MLPH: variants seen among roughly 807,000 people sequenced by gnomAD.
MLPH encodes melanophilin, also known as exophilin-3.
In MLPH, 51 loss-of-function variants were observed where a neutral mutation model predicts 72.1. The observed-to-expected ratio is 0.71, with a 90% CI of 0.56 to 0.89. The LOEUF is 0.89. Among genes scored for constraint, MLPH ranks in the 40% least tolerant of loss-of-function variants. The pLI is 0.00. For synonymous variants in MLPH, 301 were observed against 310.1 expected (o/e 0.97, Z 0.31); for missense variants, 743 against 759.9 (o/e 0.98, Z 0.26).
rs202230822 is a variant in MLPH, at chr2:237,519,902, C to A, written c.556-8C>A. 6.8e-6 allele frequency: 11 copies of A among 1,613,946 alleles called. No homozygotes were observed. The East Asian group carries it at 2.0e-4, about 29-fold the overall frequency. On this transcript the variant is annotated splice_region_variant and splice_polypyrimidine_tract_variant and intron_variant, in intron 5 of 15. Coordinates refer to ENST00000264605, the MANE Select transcript of MLPH (RefSeq NM_024101.7). ...ACTTGAGTCTTGCCCTGTCTTGTGC[C>A]TGCTAAGAAAAAGCGCCTCCTCTCC...
chr2:237,551,154 T>C (rs2081031618), intron 14 of MLPH, among the ~76,000 whole-genome samples: 1 of 150,908 alleles, frequency 6.6e-6, no homozygotes, highest in South Asian at 2.1e-4. Context: ...GGGCCTCCAA[T>C]CCCGGGGTCT....
chr2:237,500,469 A>T (rs13413170), intron 2 of MLPH, among the ~76,000 whole-genome samples: 38,865 of 152,160 alleles, frequency 0.26, 8,856 homozygotes, highest in African/African-American at 0.6. Flanking sequence ...TAATTAATTT[A>T]AACGTAAATA....
chr2:237,518,145 T>C (rs1260347575), intron 4 of MLPH: 1 of 345,658 alleles, frequency 2.9e-6, no homozygotes, highest in Non-Finnish European at 5.6e-6. Context: ...GATGGATGGG[T>C]GGGTAGGTGA....
chr2:237,499,256 T>TAGAC (rs1043818011), intron 2 of MLPH, among the ~76,000 whole-genome samples: 1 of 152,112 alleles, frequency 6.6e-6, no homozygotes, highest in Non-Finnish European at 1.5e-5. Context: ...ATCATATAAA[T>TAGAC]AGACCTAAGG....
At chr2:237,503,178 A>G (rs2079688075) in intron 2 of MLPH, among the ~76,000 whole-genome samples, 2 of 152,212 alleles carry the variant, frequency 1.3e-5, no homozygotes, top group Admixed American at 1.3e-4. Flanking sequence ...GGAATTTGAA[A>G]TCACCCTTAG....
intron 1 of MLPH, among the ~76,000 whole-genome samples, chr2:237,489,549 G>A (rs891421126): frequency 2.6e-5 from 4 of 152,266 alleles, no homozygotes; most frequent in Middle Eastern, 3.4e-3. Flanking sequence ...GGCAGCATTC[G>A]GGAAACAGCC....
At chr2:237,552,942 C>A (rs905842521) in intron 15 of MLPH, among the ~76,000 whole-genome samples, 3 of 152,144 alleles carry the variant, frequency 2.0e-5, no homozygotes, top group African/African-American at 7.2e-5. Flanking sequence ...GTGTGTGTTA[C>A]CACAACGAAA....
chr2:237,522,359 A>G (rs568588865), intron 6 of MLPH, among the ~76,000 whole-genome samples: 1 of 112,394 alleles, frequency 8.9e-6, no homozygotes, highest in South Asian at 2.9e-4. Flanking sequence ...GCTGGAGTGG[A>G]GCAGGGCTGA....
At chr2:237,511,613 C>T (rs908006135) in intron 4 of MLPH, 1 of 164,396 alleles carries the variant, frequency 6.1e-6, no homozygotes, top group African/African-American at 2.4e-5. Context: ...GTTAATACTA[C>T]ATGTTTTCCA....
intron 6 of MLPH, among the ~76,000 whole-genome samples, chr2:237,521,445 G>A (rs1331687080): frequency 2.0e-5 from 3 of 152,168 alleles, no homozygotes; most frequent in African/African-American, 7.2e-5. Flanking sequence ...CATCATTGAT[G>A]TTATGGATGA....
Position 237,549,656 on chromosome 2 carries a change from C to T in MLPH, c.1675+378C>T, listed in dbSNP as rs192190497. ...ACAAGGACATTAGCTTTGTCCTGGA[C>T]GAACGGGATGTGAGGCCTCCCCAGC... On this transcript the variant is annotated intron_variant, in intron 14 of 15. Coordinates refer to ENST00000264605, the MANE Select transcript of MLPH (RefSeq NM_024101.7). 2.7e-3 allele frequency among the ~76,000 whole-genome samples: 410 copies of T among 152,248 alleles called. 3 individuals carry two copies. The highest frequency in any genetic ancestry group is 8.7e-3 in the African/African-American group (363 of 41,538).
intron 15 of MLPH, chr2:237,553,215 G>A (rs1302541098): frequency 8.2e-6 from 4 of 490,230 alleles, no homozygotes; most frequent in Non-Finnish European, 1.6e-5. Context: ...TTGGTTGCGG[G>A]AGGGGACCAA....
intron 8 of MLPH, chr2:237,527,803 A>T: frequency 2.2e-6 from 1 of 464,608 alleles, no homozygotes; most frequent in Non-Finnish European, 3.9e-6. Flanking sequence ...AATTGAAGAC[A>T]GGGACTGAAA....
chr2:237,504,416 C>T (rs539147144), intron 2 of MLPH, among the ~76,000 whole-genome samples: 2 of 152,056 alleles, frequency 1.3e-5, no homozygotes, highest in Admixed American at 6.6e-5. Context: ...TGGGGATTCA[C>T]CATGTTGGCC....
intron 2 of MLPH, among the ~76,000 whole-genome samples, chr2:237,493,790 C>G (rs1034666288): frequency 1.3e-5 from 2 of 152,162 alleles, no homozygotes; most frequent in Non-Finnish European, 2.9e-5. Flanking sequence ...GGTGATATAT[C>G]CTAAGCCAGG....
intron 4 of MLPH, among the ~76,000 whole-genome samples, chr2:237,516,645 A>C (rs1305754562): frequency 6.6e-6 from 1 of 152,260 alleles, no homozygotes; most frequent in African/African-American, 2.4e-5. Context: ...GGTAATGTTG[A>C]TGCAGATTAC....
chr2:237,493,592 C>T, intron 2 of MLPH, 56 bp downstream of exon 2: 5 of 1,352,276 alleles, frequency 3.7e-6, no homozygotes, highest in Non-Finnish European at 5.3e-6. Flanking sequence ...TCCCCCAGGG[C>T]CATCATATGG....
intron 8 of MLPH, among the ~76,000 whole-genome samples, chr2:237,533,071 A>G (rs1424043315): frequency 6.6e-6 from 1 of 152,204 alleles, no homozygotes; most frequent in Non-Finnish European, 1.5e-5. Flanking sequence ...TCACTCTAGC[A>G]TCATAACCGG....
rs183203926 is a variant in MLPH at position 237,535,140 on chromosome 2, A to G, written c.1104+493A>G. Among the ~76,000 whole-genome samples, 12 of 152,294 alleles carry G rather than the reference A, an allele frequency of 7.9e-5. No homozygotes were observed. The East Asian group carries it at 2.1e-3, about 27-fold the overall frequency. On this transcript the variant is annotated intron_variant, in intron 9 of 15. Transcript: ENST00000264605. ...GGTTCTGGAGACTGGGAAGTCTAGG[A>G]CCAAGGGGTGGCATCTGGTGAGGGC...
Sources: gnomAD v4.1 joint callset for allele counts (sites outside exome capture counted in the v4.1 genomes callset) on GRCh38, gnomAD v4.1.1 for gene constraint, MANE v1.5 for transcripts, NCBI Gene and HGNC (gene_info 2026-07-23, HGNC 2026-07-21) for gene names.